The following PCDHA1 variants were observed in gnomAD, a reference collection of about 807,000 sequenced individuals.
PCDHA1 encodes the protein protocadherin alpha-1.
In PCDHA1, 42 loss-of-function variants were observed where a neutral mutation model predicts 61.3. The observed-to-expected ratio is 0.69, with a 90% CI of 0.54 to 0.89. The LOEUF is 0.89. Ranked by LOEUF, PCDHA1 falls within the 40% of genes least tolerant of loss-of-function variation. The pLI, the probability that PCDHA1 is intolerant of heterozygous loss-of-function variation, is 0.00. For synonymous variants in PCDHA1, 610 were observed against 553.8 expected (o/e 1.10, Z -1.43); for missense variants, 1,256 against 1,235.3 (o/e 1.02, Z -0.25).
At position 140,850,419 on chromosome 5, in the gene PCDHA1, G is replaced by C. The variant is rs1465099022; in HGVS notation, c.2394+61735G>C. On this transcript the variant is annotated intron_variant, in intron 1 of 3. Transcript: ENST00000504120. ...AACGCGTGCCCTGGACGAAACGGAC[G>C]CACCGCGCCAGCGCCTACTGGTGCT... is the stretch of plus-strand genomic sequence containing the variant. The C allele has an allele frequency of 1.9e-6, 3 of 1,597,838 alleles. No homozygotes were observed. The South Asian group carries it at 3.3e-5, about 18-fold the overall frequency.
chr5:140,993,087 G>T (rs1476981409), intron 3 of PCDHA1, among the ~76,000 whole-genome samples: 2 of 152,188 alleles, frequency 1.3e-5, no homozygotes, highest in African/African-American at 4.8e-5. Flanking sequence ...AATCAGCAGG[G>T]CTATGTTTAT....
Position 140,875,940 on chromosome 5 carries a change from C to T in PCDHA1, c.2394+87256C>T, listed in dbSNP as rs782320801. ...TGGACTCTCATTTTCCTCTAGAGGG[C>T]GCTTCTGATGCGGATATCGGCGTAA... On this transcript the variant is annotated intron_variant, in intron 1 of 3. Transcript: ENST00000504120. 5.0e-6 allele frequency: 8 copies of T among 1,613,964 alleles called. No individual in the cohort carries two copies. In the South Asian group the frequency reaches 6.6e-5, roughly 13 times the overall value.
rs146195620 is a variant in PCDHA1, at chr5:140,842,865, G to A, written c.2394+54181G>A. The A allele has an allele frequency of 1.3e-6, 2 of 1,593,868 alleles. 1 individual carries two copies. The highest frequency in any genetic ancestry group is 1.7e-6 in the Non-Finnish European group (2 of 1,165,400). ...TACATTTCGGTGCACACGGAGAGCGGCAAGGTGTACGCGCTGCAGCCGCTG... is the reference window on the plus strand; with the variant it reads ...TACATTTCGGTGCACACGGAGAGCGACAAGGTGTACGCGCTGCAGCCGCTG... On this transcript the variant is annotated intron_variant, in intron 1 of 3. Coordinates refer to ENST00000504120, the MANE Select transcript of PCDHA1 (RefSeq NM_018900.4).
intron 1 of PCDHA1, chr5:140,835,520 T>C (rs2150237441): frequency 5.6e-6 from 9 of 1,613,956 alleles, no homozygotes; most frequent in Non-Finnish European, 6.8e-6. Flanking sequence ...ACCGAGATTT[T>C]GGAGTCAACG....
At chr5:140,863,216 C>T (rs781920741) in intron 1 of PCDHA1, 10 of 1,084,230 alleles carry the variant, frequency 9.2e-6, no homozygotes, top group African/African-American at 3.2e-5. Flanking sequence ...AGCAGCCAAG[C>T]GAGGAAGGTC....
chr5:140,821,558 C>T (rs2150061714), intron 1 of PCDHA1: 1 of 521,892 alleles, frequency 1.9e-6, no homozygotes, highest in East Asian at 3.1e-5. Context: ...CACATGATGT[C>T]GCTGGACACC....
intron 3 of PCDHA1, among the ~76,000 whole-genome samples, chr5:141,003,100 T>TTCACAATC (rs1311391173): frequency 6.6e-6 from 1 of 152,240 alleles, no homozygotes; most frequent in African/African-American, 2.4e-5. Flanking sequence ...TGGCATTTGC[T>TTCACAATC]TCACAATCTT....
chr5:140,848,619 G>C lies in PCDHA1; in HGVS notation c.2394+59935G>C, dbSNP rs2150415128. The C allele has an allele frequency of 3.5e-5, 55 of 1,593,396 alleles. 5 individuals are homozygous for C. Among genetic ancestry groups the C allele is most frequent in the Admixed American group, 1.5e-4 (9 of 59,226 alleles). ...CTCCGTCCCGGAGGAAGCCGAACACGGCACCTTCGTGGGCCGCATCGCGCA... is the reference window on the plus strand; with the variant it reads ...CTCCGTCCCGGAGGAAGCCGAACACCGCACCTTCGTGGGCCGCATCGCGCA... On this transcript the variant is annotated intron_variant, in intron 1 of 3. Coordinates refer to ENST00000504120, the MANE Select transcript of PCDHA1 (RefSeq NM_018900.4).
chr5:140,982,373 T>C, intron 2 of PCDHA1, 102 bp from the exon 3 acceptor site: 1 of 1,559,640 alleles, frequency 6.4e-7, no homozygotes, highest in Non-Finnish European at 8.7e-7. Context: ...ATGTGTTAGC[T>C]GCAGCCCTGG....
In PCDHA1 at chr5:140,842,635, C is replaced by T. The variant is rs1330338408; in HGVS notation, c.2394+53951C>T. 10 of 1,590,774 alleles carry T rather than the reference C, an allele frequency of 6.3e-6. 1 individual carries two copies. Among genetic ancestry groups the T allele is most frequent in the Non-Finnish European group, 8.6e-6 (10 of 1,163,124 alleles). ...GGGGCTCGCCTTCGCTGTGGGCCAC[C>T]GCCAGCTTGTCTGTGGAGGTGGCCG... On this transcript the variant is annotated intron_variant, in intron 1 of 3. Coordinates refer to ENST00000504120, the MANE Select transcript of PCDHA1 (RefSeq NM_018900.4).
intron 1 of PCDHA1, among the ~76,000 whole-genome samples, chr5:140,905,962 G>A (rs2072248192): frequency 6.6e-6 from 1 of 152,198 alleles, no homozygotes; most frequent in Non-Finnish European, 1.5e-5. Flanking sequence ...TTCAAGGGGA[G>A]GAAGATCCAG....
rs782706780 is a variant in PCDHA1 at position 140,808,890 on chromosome 5, C to T, written c.2394+20206C>T. 1.9e-6 allele frequency: 3 copies of T among 1,613,284 alleles called. No homozygotes were observed. Among genetic ancestry groups the T allele is most frequent in the African/African-American group, 1.3e-5 (1 of 74,926 alleles). ...GACAACGCGCCAGCACTGCTAGCGC[C>T]TCGGGCGGGTGGCACTGGTGGCGCA... is the stretch of plus-strand genomic sequence containing the variant. On this transcript the variant is annotated intron_variant, in intron 1 of 3. Coordinates refer to ENST00000504120, the MANE Select transcript of PCDHA1 (RefSeq NM_018900.4).
intron 1 of PCDHA1, chr5:140,829,900 C>T (rs2150177291): frequency 1.9e-6 from 3 of 1,613,996 alleles, no homozygotes; most frequent in Admixed American, 3.3e-5. Flanking sequence ...ACTCAGGCTA[C>T]AACGCGTGGC....
At chr5:140,791,164 C>T (rs1554118627) in intron 1 of PCDHA1, among the ~76,000 whole-genome samples, 1 of 152,210 alleles carries the variant, frequency 6.6e-6, no homozygotes, top group African/African-American at 2.4e-5. Flanking sequence ...GTTTATATTG[C>T]TAGCCACTAC....
chr5:140,940,164 A>G (rs2092564000), intron 1 of PCDHA1, among the ~76,000 whole-genome samples: 1 of 152,170 alleles, frequency 6.6e-6, no homozygotes, highest in Non-Finnish European at 1.5e-5. Context: ...TTTGCCTGAA[A>G]TGTCATTCTT....
chr5:140,869,250 G>T lies in PCDHA1; in HGVS notation c.2394+80566G>T, dbSNP rs371660992. ...ACGGCACCTTCGTGGGCCGCATCGC[G>T]CAGGACCTGGGGCTGGAGCTGGCGG... On this transcript the variant is annotated intron_variant, in intron 1 of 3. Transcript: ENST00000504120. The T allele has an allele frequency of 8.4e-5, 135 of 1,613,518 alleles. No homozygotes were observed. In the Middle Eastern group the frequency reaches 1.0e-3, roughly 13 times the overall value.
chr5:140,797,567 A>T (rs1359618598), intron 1 of PCDHA1: 1 of 669,404 alleles, frequency 1.5e-6, no homozygotes, highest in Non-Finnish European at 2.5e-6. Flanking sequence ...ACATTTTGGC[A>T]CTTCCATCAT....
intron 1 of PCDHA1, among the ~76,000 whole-genome samples, chr5:140,959,265 T>C (rs1341807372): frequency 1.3e-5 from 2 of 152,076 alleles, no homozygotes; most frequent in African/African-American, 2.4e-5. Context: ...TAGTCCCAGC[T>C]ACCCAGGAGC....
intron 1 of PCDHA1, among the ~76,000 whole-genome samples, chr5:140,936,016 C>T (rs1170221921): frequency 6.6e-6 from 1 of 151,732 alleles, no homozygotes; most frequent in Non-Finnish European, 1.5e-5. Context: ...CCTCAGCCTC[C>T]CGAGTAGCGG....
Sources: allele counts gnomAD v4.1 joint callset (sites outside exome capture counted in the v4.1 genomes callset), GRCh38; gene constraint gnomAD v4.1.1; transcripts MANE v1.5; gene names NCBI Gene and HGNC (gene_info 2026-07-23, HGNC 2026-07-21).